Variants in LRRK1 observed in about 807,000 individuals in gnomAD.
LRRK1 encodes leucine-rich repeat serine/threonine-protein kinase 1.
A neutral mutation model predicts 209.1 loss-of-function variants in LRRK1; 113 were observed. The observed-to-expected ratio is 0.54, with a 90% CI of 0.46 to 0.63. LRRK1 has a LOEUF of 0.63. Among genes scored for constraint, LRRK1 ranks in the 30% least tolerant of loss-of-function variants. LRRK1 has a pLI of 0.00. For missense variants in LRRK1, 2,284 were observed against 2,632.2 expected (o/e 0.87, Z 2.89); for synonymous variants, 1,144 against 1,099.7 (o/e 1.04, Z -0.80).
rs2033820435 is a variant in LRRK1, at chr15:101,022,065, C to G, written c.1852+108C>G. Reference sequence around the variant, plus strand: ...ACAGTTGGTGACCCATGGAGCCCAGCTCCAGGTTCCAGATTTGACAAGATG... The same window carrying G: ...ACAGTTGGTGACCCATGGAGCCCAGGTCCAGGTTCCAGATTTGACAAGATG... On this transcript the variant is annotated intron_variant, in intron 14 of 33. Coordinates refer to ENST00000388948, the MANE Select transcript of LRRK1 (RefSeq NM_024652.6). This position sits in a 1 kb window ranked among gnomAD's most constrained non-coding sequence, Gnocchi z 4.0. The G allele has an allele frequency of 1.5e-5, 11 of 756,094 alleles. No homozygotes were observed. The South Asian group carries it at 2.0e-4, about 13-fold the overall frequency. The allele number at this position is 756,094 out of a possible 1,614,324, so 46.8% of individuals were successfully genotyped here. A position where few individuals can be genotyped will look rare whatever the true frequency, so the allele number is the denominator to read the frequency against.
chr15:100,936,657 C>CCCAA (rs554466993), intron 2 of LRRK1, among the ~76,000 whole-genome samples: 322 of 152,326 alleles, frequency 2.1e-3, no homozygotes, highest in Non-Finnish European at 3.4e-3. Flanking sequence ...CAATAGCATG[C>CCCAA]TAGCTGTGGG....
In LRRK1 at chr15:100,998,343, C is replaced by T. The variant is rs561951351; in HGVS notation, c.762+8945C>T. 1.0e-3 allele frequency among the ~76,000 whole-genome samples: 155 copies of T among 152,210 alleles called. 1 individual carries two copies. The highest frequency in any genetic ancestry group is 3.7e-3 in the African/African-American group (152 of 41,502). On this transcript the variant is annotated intron_variant, in intron 6 of 33. Transcript: ENST00000388948. The stretch of plus-strand genomic sequence containing the variant: ...ACTGCTCCTCCTCGACCCAGGACAC[C>T]CTGCAGATCCCCACACAATATCCTC...
intron 2 of LRRK1, among the ~76,000 whole-genome samples, chr15:100,964,858 AT>A (rs2030353875): frequency 6.6e-6 from 1 of 152,072 alleles, no homozygotes; most frequent in African/African-American, 2.4e-5. Context: ...AATTAAAGCC[AT>A]TTTTTTCATT....
At chr15:100,987,444 C>T (rs1291239664) in intron 4 of LRRK1, among the ~76,000 whole-genome samples, 1 of 152,124 alleles carries the variant, frequency 6.6e-6, no homozygotes, top group Non-Finnish European at 1.5e-5. Flanking sequence ...ACACTGCCCC[C>T]GTCAATTCAA....
At chr15:101,014,291 C>T in intron 10 of LRRK1, 25 bp from the exon 11 acceptor site, 6 of 1,529,058 alleles carry the variant, frequency 3.9e-6, no homozygotes, top group Non-Finnish European at 5.4e-6. Flanking sequence ...ATCTTAGCTT[C>T]TCTCTCCCTC....
intron 2 of LRRK1, among the ~76,000 whole-genome samples, chr15:100,933,805 G>C (rs1435217415): frequency 1.9e-5 from 2 of 107,060 alleles, no homozygotes; most frequent in Non-Finnish European, 3.4e-5. Flanking sequence ...CTGGGCCACA[G>C]TGCCAGACTC....
chr15:100,962,821 ATATT>A (rs1465273826), intron 2 of LRRK1, among the ~76,000 whole-genome samples: 2,521 of 14,122 alleles, frequency 0.18, 102 homozygotes, highest in Admixed American at 0.3. Context: ...ATATATATAT[ATATT>A]TTTTTTTTTT....
rs143985141 is a variant in LRRK1, at chr15:101,073,031, A to G, written c.*4183A>G. 9.7e-4 allele frequency: 185 copies of G among 190,122 alleles called. 1 individual carries two copies. Among genetic ancestry groups the G allele is most frequent in the African/African-American group, 4.0e-3 (169 of 41,994 alleles). The allele number at this position is 190,122 out of a possible 1,614,324, so 11.8% of individuals were successfully genotyped here. ...TGGTCCATGAGAAAGATCCACCTAC[A>G]ACCTCAAGTCCTCAGACCAACCAGC... On this transcript the variant is annotated 3_prime_UTR_variant, in exon 34 of 34. Coordinates refer to ENST00000388948, the MANE Select transcript of LRRK1 (RefSeq NM_024652.6).
At position 101,076,019 on chromosome 15, in the gene LRRK1, C is replaced by T. The variant is rs573870385; in HGVS notation, c.*7171C>T. 5 of 152,286 alleles carry T rather than the reference C, an allele frequency of 3.3e-5. No homozygotes were observed. The highest frequency in any genetic ancestry group is 3.4e-3 in the Middle Eastern group (1 of 294). 9.4% of individuals were successfully genotyped at this position (152,286 alleles called of 1,614,324 possible). On this transcript the variant is annotated 3_prime_UTR_variant, in exon 34 of 34. Transcript: ENST00000388948. ...ACGTGCTCTCCCTGCCGATCATGTC[C>T]GATTAATCTCCCAAACCCCAACCCC...
chr15:100,931,262 A>G (rs1213886114), intron 2 of LRRK1, among the ~76,000 whole-genome samples: 1 of 152,188 alleles, frequency 6.6e-6, no homozygotes, highest in Non-Finnish European at 1.5e-5. Flanking sequence ...ACATCCTCTC[A>G]TCCTCCATTC....
intron 20 of LRRK1, among the ~76,000 whole-genome samples, chr15:101,033,549 A>G (rs906272777): frequency 1.3e-5 from 2 of 152,198 alleles, no homozygotes; most frequent in East Asian, 3.9e-4. Context: ...GGTTTATTTC[A>G]TTTAATGTAA....
In LRRK1 at chr15:101,069,032, C is replaced by A. The variant is rs1260237812; in HGVS notation, c.*184C>A. The A allele has an allele frequency of 1.9e-6, 1 of 539,320 alleles. No individual in the cohort carries two copies. The highest frequency in any genetic ancestry group is 3.1e-6 in the Non-Finnish European group (1 of 317,824). 33.4% of individuals were successfully genotyped at this position (539,320 alleles called of 1,614,324 possible). A position where few individuals can be genotyped will look rare whatever the true frequency, so the allele number is the denominator to read the frequency against. ...GCGGTGGCTCCAGGGTTCTCTGGTT[C>A]TCTGGAGCAGAGTTCTCTGAATACC... On this transcript the variant is annotated 3_prime_UTR_variant, in exon 34 of 34. Transcript: ENST00000388948.
intron 26 of LRRK1, among the ~76,000 whole-genome samples, chr15:101,054,066 C>T (rs148995320): frequency 2.5e-4 from 38 of 152,256 alleles, no homozygotes; most frequent in African/African-American, 8.4e-4. Flanking sequence ...GCAGCTTTGA[C>T]CTCCTGAACT....
chr15:100,948,385 C>T (rs1230624365), intron 2 of LRRK1, among the ~76,000 whole-genome samples: 1 of 152,166 alleles, frequency 6.6e-6, no homozygotes, highest in Admixed American at 6.5e-5. Context: ...TATGAATGCA[C>T]GGAGGTCATG....
At chr15:101,057,290 G>A (rs996740699) in intron 28 of LRRK1, among the ~76,000 whole-genome samples, 7 of 151,916 alleles carry the variant, frequency 4.6e-5, no homozygotes, top group East Asian at 1.9e-4. Context: ...TTACTTCACC[G>A]TGCAAACAAA....
intron 3 of LRRK1, chr15:100,974,175 CT>C (rs1197922776): frequency 2.4e-6 from 1 of 412,636 alleles, no homozygotes; most frequent in Non-Finnish European, 4.1e-6. Flanking sequence ...CCCCTGCCAC[CT>C]TTTCATGGGA....
intron 6 of LRRK1, among the ~76,000 whole-genome samples, chr15:101,001,314 GC>G (rs1490623046): frequency 7.9e-4 from 120 of 152,260 alleles, no homozygotes; most frequent in African/African-American, 2.8e-3. Flanking sequence ...GACGCTCTCT[GC>G]AGCCATCGTC....
intron 27 of LRRK1, among the ~76,000 whole-genome samples, chr15:101,055,615 G>A (rs907907561): frequency 3.3e-5 from 5 of 152,168 alleles, no homozygotes; most frequent in African/African-American, 7.2e-5. Context: ...GAATAAGGAC[G>A]GTAAAGACCC....
chr15:101,011,320 A>C (rs1437057320), intron 9 of LRRK1, among the ~76,000 whole-genome samples: 1 of 151,644 alleles, frequency 6.6e-6, no homozygotes, highest in Non-Finnish European at 1.5e-5. Flanking sequence ...TAAAAAAAAA[A>C]AAAAAATAAG....
Sources: allele counts gnomAD v4.1 joint callset (sites outside exome capture counted in the v4.1 genomes callset), GRCh38; gene constraint gnomAD v4.1.1; non-coding constraint Gnocchi (gnomAD v3.1); transcripts MANE v1.5; gene names NCBI Gene and HGNC (gene_info 2026-07-23, HGNC 2026-07-21).